Variants in MAML3 observed in about 807,000 individuals in gnomAD.
MAML3 encodes mastermind-like protein 3.
Under a neutral mutation model 101.9 loss-of-function variants are expected in MAML3, and 27 were observed. The observed-to-expected ratio is 0.27, with a 90% CI of 0.20 to 0.37. The LOEUF (loss-of-function observed/expected upper bound fraction) is 0.37. Among genes scored for constraint, MAML3 ranks in the 10% least tolerant of loss-of-function variants. The pLI is 1.00. For synonymous variants in MAML3, 501 were observed against 555.9 expected (o/e 0.90, Z 1.39); for missense variants, 1,316 against 1,444.9 (o/e 0.91, Z 1.45).
intron 2 of MAML3, among the ~76,000 whole-genome samples, chr4:139,882,696 A>G (rs1732243735): frequency 6.6e-6 from 1 of 152,136 alleles, no homozygotes; most frequent in African/African-American, 2.4e-5. Flanking sequence ...TAAAAATACA[A>G]AAATTAGCTG....
chr4:140,130,030 A>G (rs966397112), intron 1 of MAML3, among the ~76,000 whole-genome samples: 1 of 152,188 alleles, frequency 6.6e-6, no homozygotes, highest in Admixed American at 6.5e-5. Context: ...TGAATCCGCA[A>G]TTGTGGAAAA....
In MAML3 at chr4:139,720,283, G is replaced by C; in HGVS notation, c.2457C>G (p.Ala819=). ...QDIAAVRSQA[A]LQSMRTSRLM... is the part of the protein sequence containing the mutation. ...GCCGTGACGTTCGCATGCTCTGGAG[G>C]GCTGCTTGGCTTCTTACGGCTGCTA... Residue 819 remains alanine, a synonymous_variant, in exon 5 of 5, where the codon GCC becomes GCG. Coordinates refer to ENST00000509479, the MANE Select transcript of MAML3 (RefSeq NM_018717.5). 1 of 1,564,652 alleles carries C rather than the reference G, an allele frequency of 6.4e-7. No homozygotes were observed. The highest frequency in any genetic ancestry group is 8.7e-7 in the Non-Finnish European group (1 of 1,152,876).
intron 1 of MAML3, among the ~76,000 whole-genome samples, chr4:140,071,681 G>C (rs928405165): frequency 6.7e-6 from 1 of 148,300 alleles, no homozygotes; most frequent in Non-Finnish European, 1.5e-5. Context: ...ACAGTGAAAC[G>C]TATCAGCGTA....
chr4:139,884,480 C>T (rs1732285734), intron 2 of MAML3, among the ~76,000 whole-genome samples: 1 of 152,190 alleles, frequency 6.6e-6, no homozygotes, highest in Non-Finnish European at 1.5e-5. Flanking sequence ...GAAAAATTAA[C>T]ACCACATTTT....
intron 1 of MAML3, among the ~76,000 whole-genome samples, chr4:140,146,157 G>A (rs1292918022): frequency 6.6e-6 from 1 of 152,138 alleles, no homozygotes; most frequent in Non-Finnish European, 1.5e-5. Context: ...ACAGGTATGA[G>A]CCACTGTGCC....
At chr4:139,893,967 G>A (rs1732554424) in intron 1 of MAML3, among the ~76,000 whole-genome samples, 1 of 151,964 alleles carries the variant, frequency 6.6e-6, no homozygotes, top group African/African-American at 2.4e-5. Flanking sequence ...AGAATGACAG[G>A]GTAGGAGAGA....
chr4:140,143,617 CG>C (rs1257945595), intron 1 of MAML3, among the ~76,000 whole-genome samples: 1 of 152,038 alleles, frequency 6.6e-6, no homozygotes, highest in African/African-American at 2.4e-5. Flanking sequence ...AAAAATTAGC[CG>C]GGCGTGGTGG....
chr4:139,769,534 C>T (rs985802354), intron 2 of MAML3, among the ~76,000 whole-genome samples: 1 of 152,070 alleles, frequency 6.6e-6, no homozygotes, highest in Non-Finnish European at 1.5e-5. Flanking sequence ...AGTACAGTCA[C>T]CAGGAAAATC....
intron 1 of MAML3, among the ~76,000 whole-genome samples, chr4:140,057,287 C>T (rs2110931662): frequency 6.6e-6 from 1 of 152,180 alleles, no homozygotes; most frequent in East Asian, 1.9e-4. Flanking sequence ...TATATTTCCC[C>T]AAAAGACTAA....
chr4:139,934,836 G>C (rs1349969028), intron 1 of MAML3, among the ~76,000 whole-genome samples: 1 of 152,180 alleles, frequency 6.6e-6, no homozygotes, highest in Non-Finnish European at 1.5e-5. Flanking sequence ...CATACATGGA[G>C]TGCAAGATTC....
At chr4:140,151,700 G>T (rs928906414) in intron 1 of MAML3, among the ~76,000 whole-genome samples, 2 of 149,708 alleles carry the variant, frequency 1.3e-5, no homozygotes, top group African/African-American at 4.9e-5. Flanking sequence ...CGGGGGGGGG[G>T]GGCACACACC....
chr4:140,006,851 C>T (rs536315814), intron 1 of MAML3, among the ~76,000 whole-genome samples: 11 of 152,186 alleles, frequency 7.2e-5, no homozygotes, highest in Admixed American at 7.2e-4. Context: ...AGCTTACCCG[C>T]TGCCAGGCAC....
intron 1 of MAML3, among the ~76,000 whole-genome samples, chr4:139,895,668 C>G (rs1408903165): frequency 1.3e-5 from 2 of 152,214 alleles, no homozygotes; most frequent in Admixed American, 1.3e-4. Context: ...TTTCTGTTCT[C>G]TAGCCAGCAA....
intron 2 of MAML3, among the ~76,000 whole-genome samples, chr4:139,830,408 C>CTTTTTTTT (rs1560807162): frequency 2.1e-5 from 3 of 143,530 alleles, no homozygotes; most frequent in African/African-American, 8.4e-5. Context: ...GCACGCTGTG[C>CTTTTTTTT]TATTTTTTTT....
At chr4:140,112,895 T>C (rs528289198) in intron 1 of MAML3, among the ~76,000 whole-genome samples, 2 of 152,272 alleles carry the variant, frequency 1.3e-5, no homozygotes, top group Non-Finnish European at 1.5e-5. Flanking sequence ...AAAGAAAAAA[T>C]AAAGCATAAA....
chr4:139,815,573 T>C (rs1322275109), intron 2 of MAML3, among the ~76,000 whole-genome samples: 1 of 152,194 alleles, frequency 6.6e-6, no homozygotes, highest in African/African-American at 2.4e-5. Flanking sequence ...AGGTTCTTAA[T>C]AGATCTATCT....
intron 1 of MAML3, among the ~76,000 whole-genome samples, chr4:139,937,161 T>C (rs961749721): frequency 1.3e-5 from 2 of 152,260 alleles, no homozygotes; most frequent in East Asian, 3.8e-4. Flanking sequence ...TTTATAGTGA[T>C]ACTTTTCTTT....
In MAML3 at chr4:139,907,253, C is replaced by A. The variant is rs981894338; in HGVS notation, c.469-16286G>T. ...TGTGATCAGGCAGCAGTTACTTAAC[C>A]TTTCCAGACCTCTGTTTCCTCAATT... On this transcript the variant is annotated intron_variant, in intron 1 of 4. Coordinates refer to ENST00000509479, the MANE Select transcript of MAML3 (RefSeq NM_018717.5). 2.6e-5 allele frequency among the ~76,000 whole-genome samples: 4 copies of A among 152,356 alleles called. No homozygotes were observed. In the South Asian group the frequency reaches 8.3e-4, roughly 32 times the overall value.
At chr4:139,853,024 C>T (rs765503043) in intron 2 of MAML3, among the ~76,000 whole-genome samples, 4 of 152,234 alleles carry the variant, frequency 2.6e-5, no homozygotes, top group Non-Finnish European at 5.9e-5. Context: ...ACAGTACACA[C>T]TTTACTACTA....
Sources: gnomAD v4.1 joint callset for allele counts (sites outside exome capture counted in the v4.1 genomes callset) on GRCh38, gnomAD v4.1.1 for gene constraint, MANE v1.5 for transcripts, NCBI Gene and HGNC (gene_info 2026-07-23, HGNC 2026-07-21) for gene names.